The following GCNT1 variants were observed in gnomAD, a reference collection of about 807,000 sequenced individuals.
The protein encoded by GCNT1 is glucosaminyl (N-acetyl) transferase 1, also known as beta-1,3-galactosyl-O-glycosyl-glycoprotein beta-1,6-N-acetylglucosaminyltransferase.
A neutral mutation model predicts 26.2 loss-of-function variants in GCNT1; 16 were observed. The ratio of observed to expected loss-of-function variants is 0.61; its 90% CI spans 0.41 to 0.93. GCNT1 has a LOEUF of 0.93. Ranked by LOEUF, GCNT1 falls within the 40% of genes least tolerant of loss-of-function variation. The pLI is 0.00. For synonymous variants in GCNT1, 183 were observed against 190.8 expected, an observed-to-expected ratio of 0.96 and a Z score of 0.34; for missense variants, 477 against 526.7, an observed-to-expected ratio of 0.91 and a Z score of 0.92.
chr9:76,437,581 G>A (rs7041094), upstream of GCNT1, among the ~76,000 whole-genome samples: 1 of 152,106 alleles, frequency 6.6e-6, no homozygotes, highest in Non-Finnish European at 1.5e-5. Context: ...TCTGTCTATA[G>A]AGTAGCCATT....
intron 2 of GCNT1, among the ~76,000 whole-genome samples, chr9:76,483,997 C>T (rs1824496909): frequency 6.6e-6 from 1 of 151,408 alleles, no homozygotes; most frequent in Non-Finnish European, 1.5e-5. Flanking sequence ...TTTTTTATTT[C>T]AGCACTGTTT....
chr9:76,432,633 C>T (rs1364992542), intron 1 of GCNT1, among the ~76,000 whole-genome samples: 1 of 152,128 alleles, frequency 6.6e-6, no homozygotes, highest in African/African-American at 2.4e-5. Context: ...CTCCACTGTG[C>T]CCATCCTTAG....
chr9:76,454,386 G>GAAAAA (rs71372084), upstream of GCNT1, among the ~76,000 whole-genome samples: 233 of 39,608 alleles, frequency 5.9e-3, 1 homozygote, highest in Non-Finnish European at 8.0e-3. Context: ...TCTCAGAAAA[G>GAAAAA]AAAAAAAAAA....
the GCNT1 span, among the ~76,000 whole-genome samples, chr9:76,406,582 T>C: frequency 2.6e-5 from 4 of 151,116 alleles, no homozygotes; most frequent in African/African-American, 9.7e-5. Context: ...GCACCTGTAG[T>C]CCCAGCTACT....
In GCNT1 at chr9:76,503,707, C is replaced by T; in HGVS notation, c.*39C>T. ...TTTTATGAACAAGAAGAAGGATACACAAAACGTACCCTTATCTGTTTCCCC... is the reference window on the plus strand; with the variant it reads ...TTTTATGAACAAGAAGAAGGATACATAAAACGTACCCTTATCTGTTTCCCC... On this transcript the variant is annotated 3_prime_UTR_variant, in exon 4 of 4. Transcript: ENST00000376730. 1 of 1,460,264 alleles carries T rather than the reference C, an allele frequency of 6.8e-7. No homozygotes were observed. The highest frequency in any genetic ancestry group is 9.5e-7 in the Non-Finnish European group (1 of 1,054,410). 90.5% of individuals were successfully genotyped at this position (1,460,264 alleles called of 1,614,324 possible). A position where few individuals can be genotyped will look rare whatever the true frequency, so the allele number is the denominator to read the frequency against.
At chr9:76,401,499 C>A in the GCNT1 span, among the ~76,000 whole-genome samples, 1 of 152,044 alleles carries the variant, frequency 6.6e-6, no homozygotes, top group African/African-American at 2.4e-5. Context: ...TCATGTAGTA[C>A]AAATTTACTC....
intron 1 of GCNT1, among the ~76,000 whole-genome samples, chr9:76,426,383 C>T (rs1823257551): frequency 6.6e-6 from 1 of 152,076 alleles, no homozygotes; most frequent in African/African-American, 2.4e-5. Context: ...TCCTGGGCAA[C>T]ATGGCGAAGC....
chr9:76,424,295 C>G lies in GCNT1; in HGVS notation n.38+4408C>G, dbSNP rs756360577. Among the ~76,000 whole-genome samples the G allele has an allele frequency of 1.4e-4, 22 of 152,286 alleles. No homozygotes were observed. In the South Asian group the frequency reaches 2.9e-3, roughly 20 times the overall value. On this transcript the variant is annotated intron_variant and non_coding_transcript_variant, in intron 1 of 3. Coordinates refer to the GCNT1 transcript ENST00000488136. ...GGGGAAGCAGTCTGTGCAGCAGGAG[C>G]CTGCCTCGGGTGCACATTTGAACTA...
the GCNT1 span, among the ~76,000 whole-genome samples, chr9:76,400,194 A>G: frequency 6.6e-6 from 1 of 152,240 alleles, no homozygotes; most frequent in East Asian, 1.9e-4. Context: ...CCATAGAACT[A>G]TACAGCAACA....
upstream of GCNT1, among the ~76,000 whole-genome samples, chr9:76,456,398 T>C (rs571763611): frequency 6.6e-6 from 1 of 152,252 alleles, no homozygotes; most frequent in Non-Finnish European, 1.5e-5. Context: ...GAGGTCTGAC[T>C]CCCAGCCAAC....
At chr9:76,395,148 C>G in the GCNT1 span, among the ~76,000 whole-genome samples, 4 of 152,178 alleles carry the variant, frequency 2.6e-5, no homozygotes, top group Non-Finnish European at 5.9e-5. Context: ...TAGAGGCCTT[C>G]GTACCCTCGG....
intron 2 of GCNT1, among the ~76,000 whole-genome samples, chr9:76,486,937 A>AAACC (rs1338607960): frequency 6.6e-6 from 1 of 151,970 alleles, no homozygotes; most frequent in Non-Finnish European, 1.5e-5. Flanking sequence ...ACAAACAAAC[A>AAACC]AACAAAACTA....
intron 2 of GCNT1, among the ~76,000 whole-genome samples, chr9:76,483,022 A>G (rs1402273986): frequency 1.3e-5 from 2 of 152,084 alleles, no homozygotes; most frequent in Non-Finnish European, 2.9e-5. Context: ...ACAGTATAAA[A>G]AAGTGAAATA....
chr9:76,460,472 GT>G (rs1281763790), intron 2 of GCNT1, among the ~76,000 whole-genome samples: 3 of 152,212 alleles, frequency 2.0e-5, no homozygotes, highest in Non-Finnish European at 4.4e-5. Flanking sequence ...TGAAAGGCCG[GT>G]TTGTTTTATA....
upstream of GCNT1, among the ~76,000 whole-genome samples, chr9:76,417,925 T>C (rs1293450630): frequency 6.6e-6 from 1 of 151,880 alleles, no homozygotes; most frequent in Non-Finnish European, 1.5e-5. Context: ...ATGAAAAGAG[T>C]GAAACTTTGT....
intron 1 of GCNT1, among the ~76,000 whole-genome samples, chr9:76,425,098 C>G (rs1460997916): frequency 2.1e-5 from 3 of 143,992 alleles, no homozygotes; most frequent in Non-Finnish European, 3.0e-5. Context: ...GAGATCGTGC[C>G]ACTGCACTCC....
chr9:76,476,669 T>C (rs910835643), intron 2 of GCNT1, among the ~76,000 whole-genome samples: 1 of 152,180 alleles, frequency 6.6e-6, no homozygotes, highest in Non-Finnish European at 1.5e-5. Flanking sequence ...GTTTTTTCCA[T>C]GTAAAACTGT....
upstream of GCNT1, among the ~76,000 whole-genome samples, chr9:76,437,277 A>G (rs1427924285): frequency 6.6e-6 from 1 of 152,098 alleles, no homozygotes; most frequent in Non-Finnish European, 1.5e-5. Context: ...AAGTCACAGG[A>G]TGAGCTGGGA....
At chr9:76,472,663 C>A (rs373316775) in intron 2 of GCNT1, among the ~76,000 whole-genome samples, 1 of 152,158 alleles carries the variant, frequency 6.6e-6, no homozygotes, top group Admixed American at 6.5e-5. Flanking sequence ...TTACAGTAGA[C>A]CTGACTGTCT....
Sources: allele counts gnomAD v4.1 joint callset (sites outside exome capture counted in the v4.1 genomes callset), GRCh38; gene constraint gnomAD v4.1.1; transcripts MANE v1.5; gene names NCBI Gene and HGNC (gene_info 2026-07-23, HGNC 2026-07-21).